Variants in RGS5 observed in about 807,000 individuals in gnomAD.
RGS5 encodes the protein regulator of G-protein signalling 5.
RGS5 carries 20 observed loss-of-function variants against 18.9 expected under a neutral mutation model. That is an observed-to-expected ratio of 1.06 (90% CI 0.74 to 1.54). The LOEUF (loss-of-function observed/expected upper bound fraction) is 1.54, where lower values mean the gene tolerates loss of function less well. RGS5 is among the 40% of genes most tolerant of loss of function. The pLI, the probability that RGS5 is intolerant of heterozygous loss-of-function variation, is 0.00. For missense variants in RGS5, 201 were observed against 211.8 expected, an observed-to-expected ratio of 0.95 and a Z score of 0.32; for synonymous variants, 57 against 76.2, an observed-to-expected ratio of 0.75 and a Z score of 1.31.
At chr1:163,246,977 AG>A (rs1328239348) in intron 2 of RGS5, among the ~76,000 whole-genome samples, 1 of 152,206 alleles carries the variant, frequency 6.6e-6, no homozygotes, top group Admixed American at 6.5e-5. Context: ...CAATTAATGC[AG>A]GAACAGAAAG....
In RGS5 at chr1:163,152,654, A is replaced by G. The variant is rs1036136629; in HGVS notation, c.280T>C (p.Trp94Arg). ...TTCTTGTAATCCTCACAGGCAATCC[A>G]GAACTCAAGGTTTTCCTCACTGAAT... Reference protein sequence around the residue: ...SEFSEENLEFWIACEDYKKIK... With the variant: ...SEFSEENLEFRIACEDYKKIK... Residue 94 changes from tryptophan to arginine, a missense_variant, in exon 4 of 5, where the codon TGG becomes CGG. By Grantham distance (101) the Trp-to-Arg change is moderately radical. Transcript: ENST00000313961. 5 of 1,612,642 alleles carry G rather than the reference A, an allele frequency of 3.1e-6. No individual in the cohort carries two copies. The African/African-American group carries it at 4.0e-5, about 13-fold the overall frequency.
At chr1:163,288,069 G>C (rs967614588) in intron 2 of RGS5, among the ~76,000 whole-genome samples, 2 of 151,412 alleles carry the variant, frequency 1.3e-5, no homozygotes, top group East Asian at 1.9e-4. Context: ...TTTTTTTCTA[G>C]AAATTAGATA....
chr1:163,299,070 A>T (rs1265693492), intron 2 of RGS5, among the ~76,000 whole-genome samples: 1 of 152,180 alleles, frequency 6.6e-6, no homozygotes, highest in African/African-American at 2.4e-5. Context: ...TTAAGCCAGT[A>T]GTATGTTGGG....
At chr1:163,165,580 G>A (rs1279578850) in intron 2 of RGS5, among the ~76,000 whole-genome samples, 2 of 152,132 alleles carry the variant, frequency 1.3e-5, no homozygotes, top group Non-Finnish European at 2.9e-5. Flanking sequence ...TGGGGAATGC[G>A]GGACTAGAAG....
chr1:163,282,047 GCACACA>G (rs76600062), intron 2 of RGS5, among the ~76,000 whole-genome samples: 5 of 130,494 alleles, frequency 3.8e-5, no homozygotes, highest in Admixed American at 3.1e-4. Context: ...GCACGCGCGC[GCACACA>G]CACACACACA....
intron 2 of RGS5, chr1:163,162,771 A>G (rs1458715211): frequency 1.3e-5 from 2 of 151,936 alleles, no homozygotes; most frequent in African/African-American, 4.8e-5. Flanking sequence ...TCAACCACCA[A>G]TTTTTCTCTC....
chr1:163,305,812 G>T (rs773089286), intron 2 of RGS5, among the ~76,000 whole-genome samples: 1 of 152,064 alleles, frequency 6.6e-6, no homozygotes, highest in Non-Finnish European at 1.5e-5. Context: ...CCCCTCACTT[G>T]ACTATCCTCT....
At chr1:163,310,863 A>G (rs933825455) in intron 1 of RGS5, among the ~76,000 whole-genome samples, 1 of 152,174 alleles carries the variant, frequency 6.6e-6, no homozygotes, top group Non-Finnish European at 1.5e-5. Flanking sequence ...GAAACTTACA[A>G]TCATGGCGGA....
At chr1:163,212,467 A>G (rs890617479) in intron 1 of RGS5, 2 of 152,232 alleles carry the variant, frequency 1.3e-5, no homozygotes, top group Non-Finnish European at 2.9e-5. Context: ...CAAGGTGGAC[A>G]AAACACCTAA....
chr1:163,163,484 GA>G (rs11382845), intron 2 of RGS5, among the ~76,000 whole-genome samples: 363 of 151,200 alleles, frequency 2.4e-3, no homozygotes, highest in African/African-American at 8.4e-3. Context: ...AGCACACAAA[GA>G]AAAAAAAATG....
intron 2 of RGS5, among the ~76,000 whole-genome samples, chr1:163,234,383 T>C (rs1432014869): frequency 6.6e-6 from 1 of 152,194 alleles, no homozygotes; most frequent in Non-Finnish European, 1.5e-5. Context: ...ATATTTTCCA[T>C]TTTATATATT....
At chr1:163,152,019 T>C (rs1657393831) in intron 4 of RGS5, among the ~76,000 whole-genome samples, 2 of 152,144 alleles carry the variant, frequency 1.3e-5, no homozygotes, top group Non-Finnish European at 2.9e-5. Context: ...TTTTAATAAT[T>C]TTGGGCATGA....
intron 1 of RGS5, among the ~76,000 whole-genome samples, chr1:163,188,685 CG>C (rs1447228381): frequency 1.3e-5 from 2 of 152,090 alleles, no homozygotes; most frequent in Non-Finnish European, 2.9e-5. Context: ...TGTGGCTGGG[CG>C]TAGTGGCTCA....
At chr1:163,190,886 A>G (rs547000168) in intron 1 of RGS5, among the ~76,000 whole-genome samples, 7 of 152,218 alleles carry the variant, frequency 4.6e-5, no homozygotes, top group Non-Finnish European at 8.8e-5. Flanking sequence ...CATGGGGCAC[A>G]GCTTTATGGA....
At position 163,183,704 on chromosome 1, in the gene RGS5, A is replaced by G. The variant is rs185741472; in HGVS notation, c.45-15336T>C. Reference sequence around the variant, plus strand: ...AGTTGAGGAAAATTGAGTAAAAGTGATATAAACTACAAGAATAATTGAAAA... The same window carrying G: ...AGTTGAGGAAAATTGAGTAAAAGTGGTATAAACTACAAGAATAATTGAAAA... On this transcript the variant is annotated intron_variant, in intron 1 of 4. Coordinates refer to ENST00000313961, the MANE Select transcript of RGS5 (RefSeq NM_003617.4). 1.3e-3 allele frequency among the ~76,000 whole-genome samples: 191 copies of G among 152,348 alleles called. 1 individual carries two copies. The highest frequency in any genetic ancestry group is 4.5e-3 in the African/African-American group (189 of 41,582).
At chr1:163,283,407 T>C (rs907239039) in intron 2 of RGS5, among the ~76,000 whole-genome samples, 3 of 152,192 alleles carry the variant, frequency 2.0e-5, no homozygotes, top group Non-Finnish European at 4.4e-5. Flanking sequence ...CTGCAGCCCA[T>C]GACTATGTAC....
intron 2 of RGS5, among the ~76,000 whole-genome samples, chr1:163,303,022 C>T (rs919829355): frequency 6.6e-6 from 1 of 152,180 alleles, no homozygotes; most frequent in Non-Finnish European, 1.5e-5. Context: ...ATTTTGTCTT[C>T]CACAGAGCCT....
chr1:163,240,308 T>C (rs1017261949), intron 2 of RGS5, among the ~76,000 whole-genome samples: 2 of 151,812 alleles, frequency 1.3e-5, no homozygotes, highest in Non-Finnish European at 2.9e-5. Context: ...TAATAGTGTA[T>C]GCAAAAACAT....
In RGS5 at chr1:163,147,415, A is replaced by C. The variant is rs1247708336; in HGVS notation, c.473T>G (p.Ile158Ser). The change falls in exon 5 of 5, where the codon ATC becomes AGC. Residue 158 changes from isoleucine (I) to serine (S), a missense_variant. Transcript: ENST00000313961. Reference protein sequence around the residue: ...LSSFDMAQKRIHALMEKDSLP... With the variant: ...LSSFDMAQKRSHALMEKDSLP... ...AGAATCCTTTTCCATCAGGGCATGG[A>C]TTCTTTTCTGGGCCATGTCAAAGCT... 1 of 1,613,126 alleles carries C rather than the reference A, an allele frequency of 6.2e-7. No homozygotes were observed. Among genetic ancestry groups the C allele is most frequent in the Non-Finnish European group, 8.5e-7 (1 of 1,179,532 alleles).
Sources: allele counts gnomAD v4.1 joint callset (sites outside exome capture counted in the v4.1 genomes callset), GRCh38; gene constraint gnomAD v4.1.1; transcripts MANE v1.5; gene names NCBI Gene and HGNC (gene_info 2026-07-23, HGNC 2026-07-21).